The following RTTN variants were observed in gnomAD, a reference collection of about 807,000 sequenced individuals.
RTTN encodes the protein rotatin.
A neutral mutation model predicts 269.2 loss-of-function variants in RTTN; 182 were observed. That is an observed-to-expected ratio of 0.68 (90% confidence interval 0.60 to 0.76). The LOEUF (loss-of-function observed/expected upper bound fraction) is 0.76. RTTN is among the 30% of genes least tolerant of loss of function. The pLI is 0.00. For synonymous variants in RTTN, 1,006 were observed against 963.5 expected (o/e 1.04, Z -0.82); for missense variants, 2,545 against 2,608.6 (o/e 0.98, Z 0.53).
Position 70,202,406 on chromosome 18 carries a change from T to A in RTTN, c.398-423A>T, listed in dbSNP as rs544525522. ...AGTCAAATATTATCTTTCAATACCT[T>A]TACAATTCCCTATAACATGCGATTA... On this transcript the variant is annotated intron_variant, in intron 3 of 48. Coordinates refer to ENST00000640769, the MANE Select transcript of RTTN (RefSeq NM_173630.4). Among the ~76,000 whole-genome samples, 14 of 152,330 alleles carry A rather than the reference T, an allele frequency of 9.2e-5. No individual in the cohort carries two copies. In the East Asian group the frequency reaches 2.7e-3, roughly 29 times the overall value.
chr18:70,203,929 G>GA (rs760803699), intron 3 of RTTN, among the ~76,000 whole-genome samples, 157 bp downstream of exon 3: 3 of 152,204 alleles, frequency 2.0e-5, no homozygotes, highest in Non-Finnish European at 2.9e-5. Flanking sequence ...ACTAACAGTA[G>GA]AGGAGGGGAA....
intron 10 of RTTN, among the ~76,000 whole-genome samples, chr18:70,183,327 T>G (rs2061461023): frequency 6.6e-6 from 1 of 152,160 alleles, no homozygotes; most frequent in Non-Finnish European, 1.5e-5. Flanking sequence ...CCTAAACAAG[T>G]TTCCACCCAG....
intron 10 of RTTN, among the ~76,000 whole-genome samples, chr18:70,179,554 G>C (rs945401927): frequency 6.6e-6 from 1 of 151,938 alleles, no homozygotes; most frequent in African/African-American, 2.4e-5. Flanking sequence ...TTAATTCTTT[G>C]GGCTAAAGAT....
chr18:70,121,757 T>C, intron 25 of RTTN, 57 bp from the exon 26 acceptor site: 1 of 1,416,404 alleles, frequency 7.1e-7, no homozygotes, highest in South Asian at 1.4e-5. Context: ...ACAATACCAC[T>C]GTTCATCATA....
At chr18:70,090,695 C>G (rs1218139902) in intron 30 of RTTN, among the ~76,000 whole-genome samples, 1 of 152,206 alleles carries the variant, frequency 6.6e-6, no homozygotes, top group African/African-American at 2.4e-5. Context: ...GGCTTTTCCT[C>G]CTTGGTTTCA....
At chr18:70,065,441 A>AT (rs1290221207) in intron 35 of RTTN, among the ~76,000 whole-genome samples, 1 of 152,178 alleles carries the variant, frequency 6.6e-6, no homozygotes, top group Non-Finnish European at 1.5e-5. Flanking sequence ...GTGCCTTTAA[A>AT]TGGAAGCATA....
At position 70,111,081 on chromosome 18, in the gene RTTN, C is replaced by A. The variant is rs1165731037; in HGVS notation, c.3684-1364G>T. Among the ~76,000 whole-genome samples, 3 of 152,196 alleles carry A rather than the reference C, an allele frequency of 2.0e-5. No individual in the cohort carries two copies. In the East Asian group the frequency reaches 5.8e-4, roughly 29 times the overall value. On this transcript the variant is annotated intron_variant, in intron 27 of 48. Coordinates refer to ENST00000640769, the MANE Select transcript of RTTN (RefSeq NM_173630.4). The stretch of plus-strand genomic sequence containing the variant: ...CAGACAGGGACTTATAGATAAAACC[C>A]CCATCTCCCTGGGACAGAGCACCTG...
chr18:70,184,355 AC>A (rs1016481399), intron 10 of RTTN, among the ~76,000 whole-genome samples: 1 of 151,992 alleles, frequency 6.6e-6, no homozygotes, highest in African/African-American at 2.4e-5. Flanking sequence ...GGAGTTCGAG[AC>A]CAGCCTGGCC....
At chr18:70,037,692 G>A (rs1488272256) in intron 40 of RTTN, among the ~76,000 whole-genome samples, 1 of 152,060 alleles carries the variant, frequency 6.6e-6, no homozygotes, top group Non-Finnish European at 1.5e-5. Context: ...CAGCTGTGGT[G>A]GCTACAACAA....
At chr18:70,016,715 C>T (rs543953139) in intron 46 of RTTN, among the ~76,000 whole-genome samples, 2 of 152,200 alleles carry the variant, frequency 1.3e-5, no homozygotes, top group South Asian at 2.1e-4. Context: ...CTCTGCGAGG[C>T]TCACTGCACC....
intron 42 of RTTN, 97 bp from the exon 43 acceptor site, chr18:70,028,898 C>A: frequency 1.4e-6 from 1 of 736,458 alleles, no homozygotes; most frequent in Non-Finnish European, 2.3e-6. Flanking sequence ...CGGGACAATG[C>A]AGGTGTGCTC....
chr18:70,200,031 A>C (rs1483376451), intron 4 of RTTN, among the ~76,000 whole-genome samples: 1 of 152,248 alleles, frequency 6.6e-6, no homozygotes, highest in East Asian at 1.9e-4. Context: ...GATTAAAAGA[A>C]ATCTGAGAAA....
chr18:70,033,624 GA>G (rs1309790276), intron 40 of RTTN, among the ~76,000 whole-genome samples: 1 of 152,050 alleles, frequency 6.6e-6, no homozygotes, highest in Non-Finnish European at 1.5e-5. Flanking sequence ...GAAAAGTTAG[GA>G]AGATCTCAAG....
chr18:70,172,586 C>CA (rs903978228), intron 11 of RTTN, among the ~76,000 whole-genome samples: 3 of 151,776 alleles, frequency 2.0e-5, no homozygotes, highest in African/African-American at 7.3e-5. Flanking sequence ...CCACAATGAT[C>CA]AAAATTGTTT....
chr18:70,145,194 C>T lies in RTTN; in HGVS notation c.2481+418G>A, dbSNP rs147831686. ...TGTCTGATGATCTGTCACTGTCTCC[C>T]ATTACCCCCACATGGGACTGTCTAG... On this transcript the variant is annotated intron_variant, in intron 18 of 48. Transcript: ENST00000640769. 8.7e-3 allele frequency among the ~76,000 whole-genome samples: 1,321 copies of T among 152,326 alleles called. 4 individuals are homozygous for T. Among genetic ancestry groups the T allele is most frequent in the Middle Eastern group, 0.017 (5 of 294 alleles).
At chr18:70,173,491 C>CAAAAAAAAAAAA (rs397974179) in intron 11 of RTTN, among the ~76,000 whole-genome samples, 1 of 48,510 alleles carries the variant, frequency 2.1e-5, no homozygotes, top group Non-Finnish European at 4.5e-5. Flanking sequence ...GACTCCAACT[C>CAAAAAAAAAAAA]AAAAAAAAAA....
chr18:70,030,953 A>G lies in RTTN; in HGVS notation c.5570T>C (p.Ile1857Thr), dbSNP rs369861224. 45 of 1,613,444 alleles carry G rather than the reference A, an allele frequency of 2.8e-5. No homozygotes were observed. The Middle Eastern group carries it at 9.9e-4, about 36-fold the overall frequency. The change falls in exon 41 of 49, where the codon ATC becomes ACC. Residue 1857 changes from isoleucine to threonine, a missense_variant. Transcript: ENST00000640769. ...TGCATTTGCAGCTACTCTTTTCAGG[A>G]TATCTTTGGAGGATTTCCCTTCATA... is the stretch of plus-strand genomic sequence containing the variant. Reference protein sequence around the residue: ...QCYEGKSSKDILKRVAANALM... With the variant: ...QCYEGKSSKDTLKRVAANALM...
chr18:70,145,400 T>G (rs944793639), intron 18 of RTTN, among the ~76,000 whole-genome samples: 1 of 152,136 alleles, frequency 6.6e-6, no homozygotes, highest in Non-Finnish European at 1.5e-5. Flanking sequence ...CCTGTGAAAC[T>G]GGTCCCTAGT....
chr18:70,176,566 G>A, intron 11 of RTTN, 109 bp downstream of exon 11: 2 of 946,420 alleles, frequency 2.1e-6, no homozygotes, highest in Non-Finnish European at 1.4e-6. Flanking sequence ...TTTGAAAATG[G>A]CCTAAAGCAC....
Sources: gnomAD v4.1 joint callset for allele counts (sites outside exome capture counted in the v4.1 genomes callset) on GRCh38, gnomAD v4.1.1 for gene constraint, MANE v1.5 for transcripts, NCBI Gene and HGNC (gene_info 2026-07-23, HGNC 2026-07-21) for gene names.